Variants in CPLANE2 observed in about 807,000 individuals in gnomAD.
CPLANE2 encodes ciliogenesis and planar polarity effector 2.
Under a neutral mutation model 20.9 loss-of-function variants are expected in CPLANE2, and 24 were observed. That is an observed-to-expected ratio of 1.15 (90% CI 0.83 to 1.61). The LOEUF (loss-of-function observed/expected upper bound fraction) is 1.61, where lower values mean the gene tolerates loss of function less well. Among genes scored for constraint, CPLANE2 ranks in the 40% most tolerant of loss-of-function variants. The pLI, the probability that CPLANE2 is intolerant of heterozygous loss-of-function variation, is 0.00. For synonymous variants in CPLANE2, 132 were observed against 144.3 expected (o/e 0.92, Z 0.61); for missense variants, 330 against 355.1 (o/e 0.93, Z 0.57).
intron 1 of CPLANE2, 138 bp downstream of exon 1, chr1:16,236,493 G>GGCTGAAGACT: frequency 1.5e-6 from 1 of 680,670 alleles, no homozygotes; most frequent in Non-Finnish European, 2.6e-6. Flanking sequence ...CAGTCCCCCA[G>GGCTGAAGACT]GCTGAAGACT....
intron 2 of CPLANE2, 120 bp downstream of exon 2, chr1:16,233,492 C>T (rs900516872): frequency 1.6e-6 from 2 of 1,231,914 alleles, no homozygotes; most frequent in African/African-American, 3.0e-5. Flanking sequence ...CCCATGTAGG[C>T]TCAGAGACGT....
chr1:16,234,803 C>T (rs1289893584), intron 1 of CPLANE2, among the ~76,000 whole-genome samples: 1 of 152,114 alleles, frequency 6.6e-6, no homozygotes, highest in Admixed American at 6.5e-5. Flanking sequence ...TGTGATCTCA[C>T]TGCAACTTCC....
chr1:16,236,832 T>G lies in CPLANE2; in HGVS notation c.-90A>C. 1 of 1,000,716 alleles carries G rather than the reference T, an allele frequency of 1.0e-6. No homozygotes were observed. Among genetic ancestry groups the G allele is most frequent in the Non-Finnish European group, 1.5e-6 (1 of 650,376 alleles). The allele number at this position is 1,000,716 out of a possible 1,614,324, so 62.0% of individuals were successfully genotyped here. On this transcript the variant is annotated 5_prime_UTR_variant, in exon 1 of 5. Transcript: ENST00000375599. ...TGACAGTACCAAGCCGGGCCTGTGA[T>G]CCCTCTTAACTGCCCTCTGACTCTC...
rs752538851 is a variant in CPLANE2 at position 16,232,936 on chromosome 1, TC to T, written c.346del (p.Asp116ThrfsTer46). ...RVVMFRFEFWDCGESALKKFD... is the reference protein window; with the variant it reads ...RVVMFRFEFWXCGESALKKFD... Reference sequence around the variant, plus strand: ...CTTTTTGAGTGCAGACTCTCCACAGTCCCAGAACTCAAAACGAAACATGACG... The same window carrying T: ...CTTTTTGAGTGCAGACTCTCCACAGTCCAGAACTCAAAACGAAACATGACG... On this transcript the variant is annotated frameshift_variant, in exon 3 of 5. Coordinates refer to ENST00000375599, the MANE Select transcript of CPLANE2 (RefSeq NM_030907.4). LOFTEE classifies it high-confidence loss of function. 45 of 1,613,976 alleles carry T rather than the reference TC, an allele frequency of 2.8e-5. No individual in the cohort carries two copies. The highest frequency in any genetic ancestry group is 5.3e-5 in the African/African-American group (4 of 74,884).
intron 3 of CPLANE2, 63 bp downstream of exon 3, chr1:16,232,830 T>G: frequency 6.2e-7 from 1 of 1,600,988 alleles, no homozygotes; most frequent in Non-Finnish European, 8.5e-7. Context: ...GAGCAGTGCC[T>G]TGAGCTCATT....
In CPLANE2 at chr1:16,233,016, GC is replaced by G. The variant is rs1557558523; in HGVS notation, c.266del (p.Gly89AlafsTer73). 7 of 1,614,098 alleles carry G rather than the reference GC, an allele frequency of 4.3e-6. No homozygotes were observed. Among genetic ancestry groups the G allele is most frequent in the Non-Finnish European group, 5.9e-6 (7 of 1,179,994 alleles). ...GCCAAAATACCACGGTGGTCTGGAT[GC>G]CTGAGGGGGAGCCAGGGTCAGCCAC... Reference protein sequence around the residue: ...EVPVVHHETTGIQTTVVFWPA... With the variant: ...EVPVVHHETTXIQTTVVFWPA... On this transcript the variant is annotated frameshift_variant and splice_region_variant, in exon 3 of 5. Coordinates refer to ENST00000375599, the MANE Select transcript of CPLANE2 (RefSeq NM_030907.4). LOFTEE classifies it high-confidence loss of function.
At position 16,236,948 on chromosome 1, in the gene CPLANE2, GTA is replaced by G. The variant is rs1190607421; in HGVS notation, c.-208_-207del. ...GTCATCCCATTACTGCCCATGGAGG[GTA>G]TTCACACAGCCCCTCTCCCCTTGTC... On this transcript the variant is annotated 5_prime_UTR_variant, in exon 1 of 5. Coordinates refer to ENST00000375599, the MANE Select transcript of CPLANE2 (RefSeq NM_030907.4). The G allele has an allele frequency of 1.7e-6, 1 of 573,924 alleles. No individual in the cohort carries two copies. Among genetic ancestry groups the G allele is most frequent in the East Asian group, 2.9e-5 (1 of 34,360 alleles). 35.6% of individuals were successfully genotyped at this position (573,924 alleles called of 1,614,324 possible).
At chr1:16,232,747 G>T in intron 3 of CPLANE2, 101 bp from the exon 4 acceptor site, 1 of 1,570,728 alleles carries the variant, frequency 6.4e-7, no homozygotes, top group Non-Finnish European at 8.7e-7. Flanking sequence ...GGAAACTGAG[G>T]CCCAGAGCAA....
At position 16,233,755 on chromosome 1, in the gene CPLANE2, T is replaced by C; in HGVS notation, c.122A>G (p.Glu41Gly). 2 of 1,614,052 alleles carry C rather than the reference T, an allele frequency of 1.2e-6. No individual in the cohort carries two copies. Among genetic ancestry groups the C allele is most frequent in the South Asian group, 2.2e-5 (2 of 91,084 alleles). ...KNRRRVFGLL[E>G]RPVLLPPVSI... Reference sequence around the variant, plus strand: ...CACAGGCGGCAGCAGCACTGGCCGCTCAAGCAGCCCTAGGGCAAAGAGAGA... The same window carrying C: ...CACAGGCGGCAGCAGCACTGGCCGCCCAAGCAGCCCTAGGGCAAAGAGAGA... The change falls in exon 2 of 5, where the codon GAG (glutamate) becomes GGG (glycine). Residue 41 changes from glutamate to glycine, a missense_variant. Coordinates refer to ENST00000375599, the MANE Select transcript of CPLANE2 (RefSeq NM_030907.4).
intron 1 of CPLANE2, among the ~76,000 whole-genome samples, chr1:16,235,533 G>T (rs1482226030): frequency 2.0e-5 from 3 of 152,130 alleles, no homozygotes; most frequent in Non-Finnish European, 4.4e-5. Context: ...TTACAGAGGT[G>T]GGACTTGAGG....
Position 16,232,269 on chromosome 1 carries a change from G to T in CPLANE2, c.556C>A (p.Pro186Thr). 1 of 1,608,802 alleles carries T rather than the reference G, an allele frequency of 6.2e-7. No homozygotes were observed. Reference sequence around the variant, plus strand: ...CGGAAGGCTGTGAGGTCCCGCTCGGGCACGTCCGTGTGCATGTACTGGTCA... The same window carrying T: ...CGGAAGGCTGTGAGGTCCCGCTCGGTCACGTCCGTGTGCATGTACTGGTCA... ...KFDQYMHTDV[P>T]ERDLTAFRQA... is the part of the protein sequence containing the mutation. Residue 186 changes from proline (P) to threonine (T), a missense_variant, in exon 5 of 5, where the codon CCC (proline) becomes ACC (threonine). Physicochemically the swap from Pro to Thr is conservative, Grantham distance 38. Coordinates refer to ENST00000375599, the MANE Select transcript of CPLANE2 (RefSeq NM_030907.4).
At chr1:16,236,174 G>T (rs2081464496) in intron 1 of CPLANE2, among the ~76,000 whole-genome samples, 1 of 152,240 alleles carries the variant, frequency 6.6e-6, no homozygotes, top group Non-Finnish European at 1.5e-5. Flanking sequence ...CCCTGCCTGG[G>T]TGAGTCAGTT....
At position 16,232,248 on chromosome 1, in the gene CPLANE2, A is replaced by G; in HGVS notation, c.577T>C (p.Phe193Leu). The change falls in exon 5 of 5, where the codon TTC becomes CTC. Residue 193 changes from phenylalanine to leucine, a missense_variant. Phe to Leu is a conservative substitution (Grantham distance 22). Transcript: ENST00000375599. ...TDVPERDLTA[F>L]RQAWELPLLR... The stretch of plus-strand genomic sequence containing the variant: ...AGGGGCAGCTCCCAGGCCTGCCGGA[A>G]GGCTGTGAGGTCCCGCTCGGGCACG... The G allele has an allele frequency of 6.2e-7, 1 of 1,611,424 alleles. No homozygotes were observed. Among genetic ancestry groups the G allele is most frequent in the South Asian group, 1.1e-5 (1 of 90,990 alleles).
chr1:16,236,540 G>T, intron 1 of CPLANE2, 91 bp downstream of exon 1: 3 of 1,008,372 alleles, frequency 3.0e-6, no homozygotes, highest in Non-Finnish European at 4.6e-6. Context: ...TCACTGCCCT[G>T]CCTCTCTGCT....
At chr1:16,232,741 A>G in intron 3 of CPLANE2, 95 bp from the exon 4 acceptor site, 2 of 1,574,560 alleles carry the variant, frequency 1.3e-6, no homozygotes, top group Middle Eastern at 3.4e-4. Context: ...AGATTGGGAA[A>G]CTGAGGCCCA....
intron 1 of CPLANE2, among the ~76,000 whole-genome samples, chr1:16,235,776 G>A (rs1200231794): frequency 3.4e-5 from 5 of 147,128 alleles, no homozygotes; most frequent in Non-Finnish European, 1.5e-5. Flanking sequence ...TGCCTTCTGT[G>A]TTCAAGCGAT....
chr1:16,233,864 G>A, intron 1 of CPLANE2, 100 bp from the exon 2 acceptor site: 1 of 1,300,882 alleles, frequency 7.7e-7, no homozygotes, highest in African/African-American at 1.5e-5. Context: ...ATGCACCAGT[G>A]TTAGGAAGTG....
chr1:16,233,224 G>A lies in CPLANE2; in HGVS notation c.266-207C>T, dbSNP rs116323786. The stretch of plus-strand genomic sequence containing the variant: ...CCTGGAGGAGACTCTGGTACACCAG[G>A]AAGATGCAGCCCTAGCTATGGCAAA... On this transcript the variant is annotated intron_variant, in intron 2 of 4. Transcript: ENST00000375599. Among the ~76,000 whole-genome samples, 1,428 of 152,302 alleles carry A rather than the reference G, an allele frequency of 9.4e-3. 13 individuals are homozygous for A. Among genetic ancestry groups the A allele is most frequent in the Non-Finnish European group, 0.016 (1,076 of 68,016 alleles).
At position 16,233,716 on chromosome 1, in the gene CPLANE2, G is replaced by A; in HGVS notation, c.161C>T (p.Ala54Val). ...VLLPPVSIDT[A>V]SYKIFVSGKS... ...CCCGGACACAAAGATCTTGTAGCTG[G>A]CAGTGTCAATGGACACAGGCGGCAG... The change falls in exon 2 of 5, where the codon GCC (alanine) becomes GTC (valine). Residue 54 changes from alanine to valine, a missense_variant. Coordinates refer to ENST00000375599, the MANE Select transcript of CPLANE2 (RefSeq NM_030907.4). The A allele has an allele frequency of 6.2e-7, 1 of 1,614,178 alleles. No individual in the cohort carries two copies. Among genetic ancestry groups the A allele is most frequent in the Non-Finnish European group, 8.5e-7 (1 of 1,180,040 alleles).
Sources: gnomAD v4.1 joint callset for allele counts (sites outside exome capture counted in the v4.1 genomes callset) on GRCh38, gnomAD v4.1.1 for gene constraint, MANE v1.5 for transcripts, NCBI Gene and HGNC (gene_info 2026-07-23, HGNC 2026-07-21) for gene names.